The following MRPL48 variants were observed in gnomAD, a reference collection of about 807,000 sequenced individuals.
The protein encoded by MRPL48 is large ribosomal subunit protein mL48.
Under a neutral mutation model 32.9 loss-of-function variants are expected in MRPL48, and 16 were observed. The observed-to-expected ratio is 0.49, with a 90% CI of 0.33 to 0.74. The LOEUF (loss-of-function observed/expected upper bound fraction) is 0.74. Ranked by LOEUF, MRPL48 falls within the 30% of genes least tolerant of loss-of-function variation. The probability of loss-of-function intolerance (pLI) is 0.02; values close to 1 mark genes in which losing one functional copy is unlikely to be tolerated. For synonymous variants in MRPL48, 94 were observed against 89.2 expected (o/e 1.05, Z -0.31); for missense variants, 206 against 245.3 (o/e 0.84, Z 1.07).
At chr11:73,793,877 T>TC (rs1485664137) in intron 1 of MRPL48, among the ~76,000 whole-genome samples, 1 of 146,282 alleles carries the variant, frequency 6.8e-6, no homozygotes. Context: ...TTTTTTTTTT[T>TC]CCCTTTTTCT....
chr11:73,853,911 T>G (rs78973862), intron 5 of MRPL48, among the ~76,000 whole-genome samples: 1 of 151,874 alleles, frequency 6.6e-6, no homozygotes, highest in South Asian at 2.1e-4. Flanking sequence ...AGGATGGTCT[T>G]GATCTCCTGA....
At chr11:73,825,279 T>C (rs1338701778) in intron 3 of MRPL48, among the ~76,000 whole-genome samples, 3 of 88,226 alleles carry the variant, frequency 3.4e-5, no homozygotes, top group Non-Finnish European at 6.4e-5. Flanking sequence ...CCTTGTTTTT[T>C]ATATATGTGT....
At chr11:73,855,678 G>A (rs1948471759) in intron 5 of MRPL48, among the ~76,000 whole-genome samples, 1 of 152,070 alleles carries the variant, frequency 6.6e-6, no homozygotes, top group Non-Finnish European at 1.5e-5. Context: ...AGTGGAGACG[G>A]GGTTTCGCCA....
Position 73,825,805 on chromosome 11 carries a change from CA to C in MRPL48, c.201+10del. 4 of 1,553,492 alleles carry C rather than the reference CA, an allele frequency of 2.6e-6. No individual in the cohort carries two copies. Among genetic ancestry groups the C allele is most frequent in the Non-Finnish European group, 2.6e-6 (3 of 1,147,676 alleles). Reference sequence around the variant, plus strand: ...TAATTAAAGCAGAAGAGGTAACGGGCAGGGGGAGTCTTTTGGAAAAGGATAA... The same window carrying C: ...TAATTAAAGCAGAAGAGGTAACGGGCGGGGGAGTCTTTTGGAAAAGGATAA... On this transcript the variant is annotated intron_variant, in intron 4 of 7. Coordinates refer to ENST00000310614, the MANE Select transcript of MRPL48 (RefSeq NM_016055.6).
chr11:73,813,067 T>A (rs1163373395), intron 3 of MRPL48, among the ~76,000 whole-genome samples: 2 of 151,878 alleles, frequency 1.3e-5, no homozygotes, highest in Non-Finnish European at 2.9e-5. Flanking sequence ...AATAATATTT[T>A]TTTTGTTAGT....
intron 2 of MRPL48, among the ~76,000 whole-genome samples, chr11:73,807,014 C>T (rs138249583): frequency 0.018 from 2,808 of 152,022 alleles, 81 homozygotes; most frequent in African/African-American, 0.059. Context: ...GGGTTACAGG[C>T]GCCCACCACC....
chr11:73,849,197 C>T (rs1047270876), intron 5 of MRPL48, among the ~76,000 whole-genome samples: 1 of 152,094 alleles, frequency 6.6e-6, no homozygotes, highest in Admixed American at 6.6e-5. Context: ...AGTGCAGTGG[C>T]GCAATCTCGG....
chr11:73,856,722 C>A (rs1415042850), intron 5 of MRPL48, among the ~76,000 whole-genome samples: 1 of 152,152 alleles, frequency 6.6e-6, no homozygotes, highest in Non-Finnish European at 1.5e-5. Context: ...AGCACCCTAG[C>A]AGACTTCCTT....
At chr11:73,832,512 G>A (rs1948014773) in intron 4 of MRPL48, 1 of 153,064 alleles carries the variant, frequency 6.5e-6, no homozygotes, top group Non-Finnish European at 1.5e-5. Context: ...CCTTGACTAA[G>A]GACCGGTCTT....
intron 4 of MRPL48, among the ~76,000 whole-genome samples, chr11:73,841,794 T>C (rs1435842148): frequency 6.6e-6 from 1 of 152,218 alleles, no homozygotes; most frequent in Non-Finnish European, 1.5e-5. Flanking sequence ...ACATAATAGA[T>C]TTTAAAATTC....
intron 3 of MRPL48, among the ~76,000 whole-genome samples, chr11:73,819,479 A>C (rs1393037868): frequency 6.6e-6 from 1 of 152,126 alleles, no homozygotes; most frequent in Non-Finnish European, 1.5e-5. Context: ...TATATATTGG[A>C]GGCATGATAG....
chr11:73,805,980 C>T (rs953861593), intron 2 of MRPL48, among the ~76,000 whole-genome samples: 9 of 152,082 alleles, frequency 5.9e-5, no homozygotes, highest in Non-Finnish European at 1.0e-4. Flanking sequence ...TTGCCTCATG[C>T]TTTCTGTTAT....
chr11:73,814,040 C>CA (rs551377481), intron 3 of MRPL48, among the ~76,000 whole-genome samples: 5,728 of 62,790 alleles, frequency 0.091, 181 homozygotes, highest in Middle Eastern at 0.16. Context: ...GACTCTGTCT[C>CA]AAAAAAAAAA....
intron 3 of MRPL48, among the ~76,000 whole-genome samples, chr11:73,813,194 C>G (rs1184516737): frequency 2.0e-5 from 3 of 151,876 alleles, no homozygotes; most frequent in Non-Finnish European, 4.4e-5. Context: ...ATTTTTGAGA[C>G]AGAGTCTTAC....
At chr11:73,844,479 AT>A (rs1190109109) in intron 4 of MRPL48, among the ~76,000 whole-genome samples, 2 of 152,188 alleles carry the variant, frequency 1.3e-5, no homozygotes, top group Non-Finnish European at 2.9e-5. Flanking sequence ...TGGTTTACAA[AT>A]TGAGTAATAG....
intron 4 of MRPL48, chr11:73,843,063 T>C (rs1338987879): frequency 6.6e-6 from 1 of 152,130 alleles, no homozygotes; most frequent in African/African-American, 2.4e-5. Flanking sequence ...TATCCTCCTA[T>C]CTTGGCCTCA....
At chr11:73,817,310 T>G (rs899153107) in intron 3 of MRPL48, among the ~76,000 whole-genome samples, 6 of 152,218 alleles carry the variant, frequency 3.9e-5, no homozygotes, top group African/African-American at 1.4e-4. Context: ...AACACTGTGA[T>G]GAACATTCTT....
At chr11:73,788,036 C>G (rs200157238) in intron 1 of MRPL48, 44 bp downstream of exon 1, 4 of 1,463,272 alleles carry the variant, frequency 2.7e-6, no homozygotes, top group Admixed American at 1.8e-5. Flanking sequence ...AGATGGCGGA[C>G]GGTGCAGAGA....
In MRPL48 at chr11:73,808,349, AG is replaced by A; in HGVS notation, c.112+1del. 6.2e-7 allele frequency: 1 copy of A among 1,607,752 alleles called. No individual in the cohort carries two copies. The highest frequency in any genetic ancestry group is 1.1e-5 in the South Asian group (1 of 89,830). On this transcript the variant is annotated frameshift_variant and splice_region_variant, in exon 3 of 8. Transcript: ENST00000310614. LOFTEE classifies it high-confidence loss of function. ...TSGEKPIYSV[G>X]GILLSISRPY... Reference sequence around the variant, plus strand: ...CAGGAGAGAAGCCCATCTATTCTGTAGGTAAGCAGTTTTTACCTGATGTAGT... The same window carrying A: ...CAGGAGAGAAGCCCATCTATTCTGTAGTAAGCAGTTTTTACCTGATGTAGT...
Sources: allele counts gnomAD v4.1 joint callset (sites outside exome capture counted in the v4.1 genomes callset), GRCh38; gene constraint gnomAD v4.1.1; transcripts MANE v1.5; gene names NCBI Gene and HGNC (gene_info 2026-07-23, HGNC 2026-07-21).